Variants in ADAMTS19 observed in about 807,000 individuals in gnomAD.
ADAMTS19 encodes the protein A disintegrin and metalloproteinase with thrombospondin motifs 19.
ADAMTS19 carries 93 observed loss-of-function variants against 153.3 expected under a neutral mutation model. That is an observed-to-expected ratio of 0.61 (90% confidence interval 0.51 to 0.72). The LOEUF (loss-of-function observed/expected upper bound fraction) is 0.72. ADAMTS19 is among the 30% of genes least tolerant of loss of function. The pLI is 0.00. For missense variants in ADAMTS19, 1,482 were observed against 1,552.1 expected, an observed-to-expected ratio of 0.95 and a Z score of 0.76; for synonymous variants, 600 against 556.6, an observed-to-expected ratio of 1.08 and a Z score of -1.10.
intron 19 of ADAMTS19, among the ~76,000 whole-genome samples, chr5:129,698,003 A>G (rs1318992862): frequency 6.6e-6 from 1 of 152,128 alleles, no homozygotes; most frequent in African/African-American, 2.4e-5. Flanking sequence ...TCTGTGAAGG[A>G]GCAGAGTGTA....
intron 10 of ADAMTS19, among the ~76,000 whole-genome samples, chr5:129,632,929 C>G (rs1019278070): frequency 3.3e-5 from 5 of 152,046 alleles, no homozygotes; most frequent in African/African-American, 1.2e-4. Flanking sequence ...TAAATCTATG[C>G]CTTTTCTCAA....
In ADAMTS19 at chr5:129,461,813, C is replaced by T; in HGVS notation, c.747+56C>T. 1 of 1,467,586 alleles carries T rather than the reference C, an allele frequency of 6.8e-7. No homozygotes were observed. Among genetic ancestry groups the T allele is most frequent in the Non-Finnish European group, 8.9e-7 (1 of 1,118,878 alleles). 90.9% of individuals were successfully genotyped at this position (1,467,586 alleles called of 1,614,324 possible). On this transcript the variant is annotated intron_variant, in intron 2 of 22. Transcript: ENST00000274487. The surrounding 1 kb of genome is among the most constrained non-coding windows in gnomAD (Gnocchi z 4.6). ...TTCCCCTGCTGCTCCTCTCCTTGCC[C>T]ATAGGTCAGGATGATTTGCATGCAC...
chr5:129,618,861 T>C (rs1288746207), intron 8 of ADAMTS19, among the ~76,000 whole-genome samples: 1 of 152,092 alleles, frequency 6.6e-6, no homozygotes, highest in Admixed American at 6.6e-5. Flanking sequence ...AATATTTTAC[T>C]GGCCTCATTT....
At chr5:129,544,154 C>A (rs1200823689) in intron 6 of ADAMTS19, among the ~76,000 whole-genome samples, 1 of 152,020 alleles carries the variant, frequency 6.6e-6, no homozygotes, top group African/African-American at 2.4e-5. Flanking sequence ...ATACTCATGG[C>A]TAGCAACAAA....
At chr5:129,555,719 C>T (rs935037937) in intron 7 of ADAMTS19, among the ~76,000 whole-genome samples, 6 of 152,154 alleles carry the variant, frequency 3.9e-5, no homozygotes, top group Non-Finnish European at 8.8e-5. Context: ...CCCAGAATCA[C>T]TGATAGTAAA....
Position 129,485,296 on chromosome 5 carries a change from G to A in ADAMTS19, c.747+23539G>A, listed in dbSNP as rs1750552216. On this transcript the variant is annotated intron_variant, in intron 2 of 22. Coordinates refer to ENST00000274487, the MANE Select transcript of ADAMTS19 (RefSeq NM_133638.6). ...CCAAAAGAACTTATAAAATATTTGA[G>A]CTTAATGAAAATGAGAGCAAAATGT... Among the ~76,000 whole-genome samples, 4 of 152,120 alleles carry A rather than the reference G, an allele frequency of 2.6e-5. No homozygotes were observed. In the East Asian group the frequency reaches 5.8e-4, roughly 22 times the overall value.
chr5:129,578,912 G>T (rs1217697270), intron 7 of ADAMTS19, among the ~76,000 whole-genome samples: 1 of 152,136 alleles, frequency 6.6e-6, no homozygotes, highest in Non-Finnish European at 1.5e-5. Context: ...ACGTGTGCAT[G>T]TGTCTTTATA....
At chr5:129,548,609 T>A (rs1561564780) in intron 6 of ADAMTS19, among the ~76,000 whole-genome samples, 1 of 151,476 alleles carries the variant, frequency 6.6e-6, no homozygotes, top group Admixed American at 6.6e-5. Flanking sequence ...ATTGTGGAAG[T>A]CAGTGTGGCG....
intron 13 of ADAMTS19, among the ~76,000 whole-genome samples, chr5:129,652,160 A>G (rs1753345520): frequency 6.6e-6 from 1 of 152,216 alleles, no homozygotes; most frequent in Non-Finnish European, 1.5e-5. Flanking sequence ...TATTTGTATA[A>G]TCAGCAGGTT....
chr5:129,596,608 T>C lies in ADAMTS19; in HGVS notation c.1422T>C (p.Ile474=). 6.2e-7 allele frequency: 1 copy of C among 1,609,030 alleles called. No homozygotes were observed. The highest frequency in any genetic ancestry group is 8.5e-7 in the Non-Finnish European group (1 of 1,177,880). The change falls in exon 8 of 23, where the codon ATT becomes ATC. Residue 474 remains isoleucine, a synonymous_variant. Transcript: ENST00000274487. ...GMCSEKRKCI[I]AEDNGLNLAF... is the part of the protein sequence containing the mutation. ...GTAGTGAAAAGAGAAAATGTATTAT[T>C]GCTGAAGACAATGGCTTGAATCTTG...
intron 17 of ADAMTS19, among the ~76,000 whole-genome samples, chr5:129,681,947 G>A (rs1215462568): frequency 6.6e-6 from 1 of 152,150 alleles, no homozygotes; most frequent in Non-Finnish European, 1.5e-5. Flanking sequence ...TATGTTTAAT[G>A]ATTGTATTGC....
chr5:129,521,268 C>A (rs1043950703), intron 3 of ADAMTS19, among the ~76,000 whole-genome samples: 1 of 151,518 alleles, frequency 6.6e-6, no homozygotes, highest in Non-Finnish European at 1.5e-5. Flanking sequence ...AAATTTTTAC[C>A]GAGAGCACAG....
chr5:129,587,589 C>G (rs1362182434), intron 7 of ADAMTS19, among the ~76,000 whole-genome samples: 3 of 152,146 alleles, frequency 2.0e-5, no homozygotes, highest in Admixed American at 1.3e-4. Flanking sequence ...TATTGTGTCA[C>G]AAGTTCACAT....
Position 129,461,627 on chromosome 5 carries a change from G to GCCCCGGCCCCGT in ADAMTS19, c.627_628insGTCCCCGGCCCC (p.Pro209_Thr210insValProGlyPro). ...GCAGTGGAACAGCGGCCAAATCCCG[G>GCCCCGGCCCCGT]CCCCGGCCCCACGGGGGCAGCATCC... is the stretch of plus-strand genomic sequence containing the variant. On this transcript the variant is annotated inframe_insertion, in exon 2 of 23. Coordinates refer to ENST00000274487, the MANE Select transcript of ADAMTS19 (RefSeq NM_133638.6). The surrounding 1 kb of genome is among the most constrained non-coding windows in gnomAD (Gnocchi z 4.6). 6.3e-7 allele frequency: 1 copy of GCCCCGGCCCCGT among 1,592,770 alleles called. No individual in the cohort carries two copies. Among genetic ancestry groups the GCCCCGGCCCCGT allele is most frequent in the Non-Finnish European group, 8.5e-7 (1 of 1,176,076 alleles).
intron 19 of ADAMTS19, among the ~76,000 whole-genome samples, chr5:129,700,577 C>T (rs545179571): frequency 6.6e-6 from 1 of 152,202 alleles, no homozygotes; most frequent in Non-Finnish European, 1.5e-5. Context: ...ATTTTGTGAC[C>T]TTTGGTAAGG....
chr5:129,712,237 C>A (rs990566703), intron 21 of ADAMTS19, among the ~76,000 whole-genome samples: 1 of 152,028 alleles, frequency 6.6e-6, no homozygotes, highest in Non-Finnish European at 1.5e-5. Context: ...AACTATCACA[C>A]CGAAAGCTCT....
At chr5:129,650,685 T>C (rs1250151075) in intron 13 of ADAMTS19, among the ~76,000 whole-genome samples, 4 of 152,170 alleles carry the variant, frequency 2.6e-5, no homozygotes, top group Non-Finnish European at 4.4e-5. Context: ...TTACCCCCAC[T>C]TTCTCTCATA....
chr5:129,583,025 T>A (rs1453911287), intron 7 of ADAMTS19, among the ~76,000 whole-genome samples: 1 of 152,172 alleles, frequency 6.6e-6, no homozygotes, highest in Non-Finnish European at 1.5e-5. Flanking sequence ...TACAATTTGG[T>A]ATGTTTTTGC....
At position 129,737,066 on chromosome 5, in the gene ADAMTS19, G is replaced by A; in HGVS notation, c.3491-1G>A. On this transcript the variant is annotated splice_acceptor_variant, in intron 22 of 22. Transcript: ENST00000274487. LOFTEE classifies it high-confidence loss of function. ...TGAATTCACTATGTTCTGTTTCACA[G>A]CTGCTCTGACTTTCAAGTGCCTGGG... 1 of 1,582,890 alleles carries A rather than the reference G, an allele frequency of 6.3e-7. No homozygotes were observed. The highest frequency in any genetic ancestry group is 8.6e-7 in the Non-Finnish European group (1 of 1,160,092).
Sources: gnomAD v4.1 joint callset for allele counts (sites outside exome capture counted in the v4.1 genomes callset) on GRCh38, gnomAD v4.1.1 for gene constraint, Gnocchi (gnomAD v3.1) non-coding constraint, MANE v1.5 for transcripts, NCBI Gene and HGNC (gene_info 2026-07-23, HGNC 2026-07-21) for gene names.